Variants in OSBPL2 observed in about 807,000 individuals in gnomAD.
The protein encoded by OSBPL2 is oxysterol-binding protein-related protein 2.
In OSBPL2, 18 loss-of-function variants were observed where a neutral mutation model predicts 58.4. That is an observed-to-expected ratio of 0.31 (90% CI 0.21 to 0.46). The LOEUF (loss-of-function observed/expected upper bound fraction) is 0.46. OSBPL2 is among the 20% of genes least tolerant of loss of function. The pLI, the probability that OSBPL2 is intolerant of heterozygous loss-of-function variation, is 1.00. For synonymous variants in OSBPL2, 221 were observed against 234.1 expected (o/e 0.94, Z 0.51); for missense variants, 461 against 616.5 (o/e 0.75, Z 2.67).
chr20:62,281,142 G>A lies in OSBPL2; in HGVS notation c.759G>A (p.Gly253=), dbSNP rs1263715771. The A allele has an allele frequency of 1.2e-6, 2 of 1,612,234 alleles. No individual in the cohort carries two copies. Among genetic ancestry groups the A allele is most frequent in the East Asian group, 2.2e-5 (1 of 44,800 alleles). The change falls in exon 8 of 14, where the codon GGG becomes GGA. Residue 253 remains glycine, a synonymous_variant. Coordinates refer to ENST00000313733, the MANE Select transcript of OSBPL2 (RefSeq NM_144498.4). ...IIGKLWIEQY[G]TVEILNHRTG... ...GGAAGCTGTGGATAGAGCAGTATGG[G>A]ACAGTGGAGATTTTAAACCACAGGT...
chr20:62,272,082 C>T, intron 4 of OSBPL2, 43 bp from the exon 5 acceptor site: 1 of 1,610,134 alleles, frequency 6.2e-7, no homozygotes, highest in Non-Finnish European at 8.5e-7. Flanking sequence ...CCAGCGGTGT[C>T]AGGAAGGCAG....
chr20:62,276,318 A>AGAAGG (rs1982386853), intron 6 of OSBPL2, among the ~76,000 whole-genome samples: 1 of 152,206 alleles, frequency 6.6e-6, no homozygotes. Context: ...GTGCGTGCCC[A>AGAAGG]TGTTTGTCCT....
At chr20:62,275,545 T>A (rs1187463244) in intron 6 of OSBPL2, among the ~76,000 whole-genome samples, 3 of 152,108 alleles carry the variant, frequency 2.0e-5, no homozygotes, top group African/African-American at 7.2e-5. Context: ...CCTCCTGGGC[T>A]CAAGTTATCT....
Position 62,269,912 on chromosome 20 carries a change from G to T in OSBPL2, c.259-2213G>T, listed in dbSNP as rs1010117843. Among the ~76,000 whole-genome samples, 1 of 152,196 alleles carries T rather than the reference G, an allele frequency of 6.6e-6. No homozygotes were observed. The highest frequency in any genetic ancestry group is 6.5e-5 in the Admixed American group (1 of 15,288). ...AGCCCCTCCTAAGCCCACAGTCCCC[G>T]TGTGTCCAGTGCCATCTGGGGCCTG... On this transcript the variant is annotated intron_variant, in intron 4 of 13. Transcript: ENST00000313733. The surrounding 1 kb of genome is among the most constrained non-coding windows in gnomAD (Gnocchi z 4.2).
In OSBPL2 at chr20:62,295,839, C is replaced by G. The variant is rs992899912; in HGVS notation, c.*1952C>G. 6.6e-6 allele frequency: 1 copy of G among 152,162 alleles called. No homozygotes were observed. Among genetic ancestry groups the G allele is most frequent in the Non-Finnish European group, 1.5e-5 (1 of 68,026 alleles). 9.4% of individuals were successfully genotyped at this position (152,162 alleles called of 1,614,324 possible). A position where few individuals can be genotyped will look rare whatever the true frequency, so the allele number is the denominator to read the frequency against. On this transcript the variant is annotated 3_prime_UTR_variant, in exon 14 of 14. Coordinates refer to ENST00000313733, the MANE Select transcript of OSBPL2 (RefSeq NM_144498.4). The surrounding 1 kb of genome is among the most constrained non-coding windows in gnomAD (Gnocchi z 4.8). The stretch of plus-strand genomic sequence containing the variant: ...AGTGACTGCATTTAGGGAGGTTTAA[C>G]GAGTTCTTACTGATCATTCCACTTG...
At chr20:62,281,726 CAG>C (rs1555851985) in intron 8 of OSBPL2, 62 bp from the exon 9 acceptor site, 7 of 1,281,874 alleles carry the variant, frequency 5.5e-6, no homozygotes, top group Non-Finnish European at 6.8e-6. Context: ...TCTCCTGTTA[CAG>C]AGTTACCCTT....
At chr20:62,280,032 C>G in intron 7 of OSBPL2, 1 of 1,304,162 alleles carries the variant, frequency 7.7e-7, no homozygotes, top group Non-Finnish European at 1.0e-6. Flanking sequence ...CACCTCAGAG[C>G]AAAACACAAG....
rs750959386 is a variant in OSBPL2 at position 62,279,184 on chromosome 20, G to A, written c.519G>A (p.Ser173=). ...AAGATTTAGGATTCAGATTTATATC[G>A]GAACAGGTCAGTCACCACCCCCCCA... The part of the protein sequence containing the change: ...IREDLGFRFI[S]EQVSHHPPIS... Residue 173 remains serine, a synonymous_variant, in exon 7 of 14, where the codon TCG becomes TCA. Transcript: ENST00000313733. 31 of 1,612,892 alleles carry A rather than the reference G, an allele frequency of 1.9e-5. No individual in the cohort carries two copies. Among genetic ancestry groups the A allele is most frequent in the Non-Finnish European group, 2.5e-5 (29 of 1,179,472 alleles).
intron 1 of OSBPL2, among the ~76,000 whole-genome samples, chr20:62,240,145 G>A (rs888915053): frequency 2.2e-4 from 34 of 152,238 alleles, no homozygotes; most frequent in African/African-American, 7.7e-4. Flanking sequence ...GAGCCACCGC[G>A]CCCTGCCATG....
rs903454367 is a variant in OSBPL2 at position 62,285,499 on chromosome 20, T to G, written c.997-1084T>G. 112 of 152,328 alleles carry G rather than the reference T, an allele frequency of 7.4e-4. 1 individual carries two copies. The highest frequency in any genetic ancestry group is 2.4e-3 in the African/African-American group (101 of 41,556). The allele number at this position is 152,328 out of a possible 1,614,324, so 9.4% of individuals were successfully genotyped here. A position where few individuals can be genotyped will look rare whatever the true frequency, so the allele number is the denominator to read the frequency against. ...TTCCCTTTTCTAGGACCCATTTATT[T>G]TGAGAAGCAATGTGGCAGGTTTTGT... is the stretch of plus-strand genomic sequence containing the variant. On this transcript the variant is annotated intron_variant, in intron 10 of 13. Transcript: ENST00000313733.
At chr20:62,248,703 T>TATTTA (rs59382085) in intron 1 of OSBPL2, among the ~76,000 whole-genome samples, 1 of 149,670 alleles carries the variant, frequency 6.7e-6, no homozygotes. Flanking sequence ...TTTATTTATT[T>TATTTA]TTTAAGAGAC....
At chr20:62,245,389 G>A (rs1980036147) in intron 1 of OSBPL2, among the ~76,000 whole-genome samples, 4 of 152,182 alleles carry the variant, frequency 2.6e-5, no homozygotes, top group Admixed American at 6.5e-5. Flanking sequence ...CACCGCGCCC[G>A]GCCTGAAACC....
At chr20:62,264,894 GTTTTC>G (rs1981568166) in intron 4 of OSBPL2, among the ~76,000 whole-genome samples, 2 of 152,156 alleles carry the variant, frequency 1.3e-5, no homozygotes, top group African/African-American at 4.8e-5. Context: ...TTTGTCTGAT[GTTTTC>G]TTCTTAGAAT....
chr20:62,249,014 A>T (rs1033451723), intron 1 of OSBPL2, among the ~76,000 whole-genome samples: 6 of 152,200 alleles, frequency 3.9e-5, no homozygotes, highest in Non-Finnish European at 7.3e-5. Context: ...TGAGAAAAAC[A>T]TAAAGATGGG....
chr20:62,275,082 G>T (rs552088744), intron 6 of OSBPL2, among the ~76,000 whole-genome samples: 1 of 152,100 alleles, frequency 6.6e-6, no homozygotes, highest in African/African-American at 2.4e-5. Flanking sequence ...CTGGGCTCAC[G>T]CCTGGAATAC....
chr20:62,286,215 G>A (rs1311457621), intron 10 of OSBPL2: 4 of 186,048 alleles, frequency 2.1e-5, no homozygotes, highest in South Asian at 9.8e-5. Context: ...TTTGGAGGCC[G>A]AGGTGGGTGG....
At chr20:62,290,412 T>TG in intron 12 of OSBPL2, among the ~76,000 whole-genome samples, 1 of 2,072 alleles carries the variant, frequency 4.8e-4, no homozygotes, top group Non-Finnish European at 3.6e-3. Flanking sequence ...ATTTTTTGGG[T>TG]TTTTTTTTTT....
intron 1 of OSBPL2, among the ~76,000 whole-genome samples, chr20:62,241,227 G>T (rs186316991): frequency 2.1e-4 from 32 of 151,948 alleles, no homozygotes; most frequent in African/African-American, 6.8e-4. Context: ...CTGGAGTGCA[G>T]TGGCGCGAAC....
chr20:62,276,781 G>A (rs1228213892), intron 6 of OSBPL2, among the ~76,000 whole-genome samples: 1 of 152,208 alleles, frequency 6.6e-6, no homozygotes, highest in East Asian at 1.9e-4. Flanking sequence ...AACCACTTGT[G>A]AGGGAGTCTT....
Sources: allele counts gnomAD v4.1 joint callset (sites outside exome capture counted in the v4.1 genomes callset), GRCh38; gene constraint gnomAD v4.1.1; non-coding constraint Gnocchi (gnomAD v3.1); transcripts MANE v1.5; gene names NCBI Gene and HGNC (gene_info 2026-07-23, HGNC 2026-07-21).